Variants in ATMIN observed in about 807,000 individuals in gnomAD.
The protein encoded by ATMIN is ATM INteracting protein.
ATMIN carries 24 observed loss-of-function variants against 49.2 expected under a neutral mutation model. The ratio of observed to expected loss-of-function variants is 0.49; its 90% confidence interval spans 0.35 to 0.69. The LOEUF is 0.69. Ranked by LOEUF, ATMIN falls within the 30% of genes least tolerant of loss-of-function variation. The pLI is 0.00. For synonymous variants in ATMIN, 450 were observed against 392.5 expected (o/e 1.15, Z -1.73); for missense variants, 1,037 against 1,005.5 (o/e 1.03, Z -0.42).
At position 81,046,286 on chromosome 16, in the gene ATMIN, G is replaced by C. The variant is rs896127735; in HGVS notation, c.*1316G>C. 6 of 152,132 alleles carry C rather than the reference G, an allele frequency of 3.9e-5. No individual in the cohort carries two copies. The highest frequency in any genetic ancestry group is 1.4e-4 in the African/African-American group (6 of 41,410). 9.4% of individuals were successfully genotyped at this position (152,132 alleles called of 1,614,324 possible). A position where few individuals can be genotyped will look rare whatever the true frequency, so the allele number is the denominator to read the frequency against. On this transcript the variant is annotated 3_prime_UTR_variant, in exon 4 of 4. Coordinates refer to ENST00000299575, the MANE Select transcript of ATMIN (RefSeq NM_015251.3). Reference sequence around the variant, plus strand: ...TTTGCACTTCTACTAAGCTTGATAGGGCAGGAGTGCAATCTACAATTATTT... The same window carrying C: ...TTTGCACTTCTACTAAGCTTGATAGCGCAGGAGTGCAATCTACAATTATTT...
rs562381984 is a variant in ATMIN, at chr16:81,046,747, C to T, written c.*1777C>T. 2.6e-5 allele frequency: 4 copies of T among 152,210 alleles called. No individual in the cohort carries two copies. The highest frequency in any genetic ancestry group is 5.9e-5 in the Non-Finnish European group (4 of 68,002). 9.4% of individuals were successfully genotyped at this position (152,210 alleles called of 1,614,324 possible). On this transcript the variant is annotated 3_prime_UTR_variant, in exon 4 of 4. Transcript: ENST00000299575. ...ATTACTGAAAGCTAAATCCTCAAAA[C>T]CTAGTAAGGGGACTAATGATTCATT...
chr16:81,037,399 T>C (rs967325808), intron 1 of ATMIN: 2 of 985,290 alleles, frequency 2.0e-6, no homozygotes, highest in Non-Finnish European at 2.4e-6. Context: ...AGTGATCTGC[T>C]CTTACCACCA....
Position 81,045,238 on chromosome 16 carries a change from AATG to A in ATMIN, c.*269_*271del, listed in dbSNP as rs1971099127. 9.3e-6 allele frequency: 4 copies of A among 431,112 alleles called. No individual in the cohort carries two copies. Among genetic ancestry groups the A allele is most frequent in the Admixed American group, 4.0e-5 (1 of 24,696 alleles). The allele number at this position is 431,112 out of a possible 1,614,324, so 26.7% of individuals were successfully genotyped here. On this transcript the variant is annotated 3_prime_UTR_variant, in exon 4 of 4. Transcript: ENST00000299575. ...CTAGTCTTTTCATGTTAAAAAAAAA[AATG>A]TATTTCATATCTATAAAACCTATAT... is the stretch of plus-strand genomic sequence containing the variant.
intron 1 of ATMIN, chr16:81,037,497 A>C (rs1330705955): frequency 2.0e-5 from 20 of 985,354 alleles, no homozygotes; most frequent in Non-Finnish European, 2.3e-5. Flanking sequence ...AAGACCGTGC[A>C]GGTGGGGCCG....
At chr16:81,036,243 C>T (rs1172176775) in intron 1 of ATMIN, 37 bp downstream of exon 1, 1 of 1,291,518 alleles carries the variant, frequency 7.7e-7, no homozygotes, top group Non-Finnish European at 9.9e-7. Flanking sequence ...GGGGGCCGGG[C>T]CTGGCTCCAA....
Position 81,035,941 on chromosome 16 carries a change from C to A in ATMIN, c.71C>A (p.Ala24Glu). ...ALAAGARAVP[A>E]ATTGAAAAAS... is the part of the protein sequence containing the mutation. ...GCGGCGGGTGCCCGGGCCGTCCCGGCGGCCACGACAGGAGCCGCCGCCGCC... is the reference window on the plus strand; with the variant it reads ...GCGGCGGGTGCCCGGGCCGTCCCGGAGGCCACGACAGGAGCCGCCGCCGCC... The change falls in exon 1 of 4, where the codon GCG becomes GAG. Residue 24 changes from alanine (A) to glutamate (E), a missense_variant. Coordinates refer to ENST00000299575, the MANE Select transcript of ATMIN (RefSeq NM_015251.3). 1 of 1,004,026 alleles carries A rather than the reference C, an allele frequency of 1.0e-6. No individual in the cohort carries two copies. The allele number at this position is 1,004,026 out of a possible 1,614,324, so 62.2% of individuals were successfully genotyped here.
intron 2 of ATMIN, 120 bp downstream of exon 2, chr16:81,041,601 G>C: frequency 1.3e-5 from 17 of 1,292,534 alleles, no homozygotes; most frequent in South Asian, 1.5e-5. Context: ...ATGCCTGCGT[G>C]TCTCCCAGTT....
chr16:81,038,800 T>TTTTG (rs902875730), intron 1 of ATMIN, among the ~76,000 whole-genome samples: 1 of 151,974 alleles, frequency 6.6e-6, no homozygotes, highest in Admixed American at 6.5e-5. Flanking sequence ...ACATTGTTCT[T>TTTTG]TTTGTTTGTT....
chr16:81,043,019 G>C (rs932456003), intron 3 of ATMIN, 142 bp from the exon 4 acceptor site: 2 of 1,039,370 alleles, frequency 1.9e-6, no homozygotes, highest in East Asian at 2.7e-5. Context: ...CCAGAGTTGC[G>C]AAAGAATGGA....
At position 81,036,043 on chromosome 16, in the gene ATMIN, C is replaced by G; in HGVS notation, c.173C>G (p.Pro58Arg). 1.4e-5 allele frequency: 17 copies of G among 1,223,270 alleles called. No individual in the cohort carries two copies. Among genetic ancestry groups the G allele is most frequent in the Non-Finnish European group, 1.7e-5 (17 of 975,784 alleles). 75.8% of individuals were successfully genotyped at this position (1,223,270 alleles called of 1,614,324 possible). ...RPRPAGATQQ[P>R]AVPAPPAGEL... is the part of the protein sequence containing the mutation. ...CGGCCCGCGGGGGCGACGCAGCAGCCCGCTGTCCCCGCGCCGCCGGCGGGG... is the reference window on the plus strand; with the variant it reads ...CGGCCCGCGGGGGCGACGCAGCAGCGCGCTGTCCCCGCGCCGCCGGCGGGG... The change falls in exon 1 of 4, where the codon CCC becomes CGC. Residue 58 changes from proline (P) to arginine (R), a missense_variant. Pro to Arg is a moderately radical substitution (Grantham distance 103). Coordinates refer to ENST00000299575, the MANE Select transcript of ATMIN (RefSeq NM_015251.3).
Position 81,042,373 on chromosome 16 carries a change from G to T in ATMIN, c.555G>T (p.Glu185Asp). Residue 185 changes from glutamate to aspartate, a missense_variant, in exon 3 of 4, where the codon GAG becomes GAT. Coordinates refer to ENST00000299575, the MANE Select transcript of ATMIN (RefSeq NM_015251.3). Reference sequence around the variant, plus strand: ...AATGGGACCTGAAAAGACATGCAGAGGACTGTGGCAAGACCTTCCGGTGCA... The same window carrying T: ...AATGGGACCTGAAAAGACATGCAGATGACTGTGGCAAGACCTTCCGGTGCA... ...GTEWDLKRHA[E>D]DCGKTFRCTC... 1 of 1,614,134 alleles carries T rather than the reference G, an allele frequency of 6.2e-7. No homozygotes were observed. The highest frequency in any genetic ancestry group is 2.2e-5 in the East Asian group (1 of 44,878).
Position 81,042,487 on chromosome 16 carries a change from G to A in ATMIN, c.662+7G>A, listed in dbSNP as rs373325287. 3.1e-6 allele frequency: 5 copies of A among 1,612,844 alleles called. No homozygotes were observed. The highest frequency in any genetic ancestry group is 3.4e-6 in the Non-Finnish European group (4 of 1,179,200). On this transcript the variant is annotated splice_region_variant and intron_variant, in intron 3 of 3. Transcript: ENST00000299575. ...AGATACCTGCAGAACACAGGTGAAG[G>A]GAAAGAAATGATGGCACAGAAGTCA...
Position 81,043,356 on chromosome 16 carries a change from A to T in ATMIN, c.858A>T (p.Thr286=). 3.7e-6 allele frequency: 6 copies of T among 1,612,696 alleles called. No individual in the cohort carries two copies. The highest frequency in any genetic ancestry group is 5.1e-6 in the Non-Finnish European group (6 of 1,179,542). The change falls in exon 4 of 4, where the codon ACA becomes ACT. Residue 286 remains threonine (T), a synonymous_variant. Coordinates refer to ENST00000299575, the MANE Select transcript of ATMIN (RefSeq NM_015251.3). The part of the protein sequence containing the change: ...GSNTDKQTLT[T]PPRYPQKLLL... ...ACACTGACAAGCAGACTCTTACAACACCACCGAGATATCCTCAGAAGTTGC... is the reference window on the plus strand; with the variant it reads ...ACACTGACAAGCAGACTCTTACAACTCCACCGAGATATCCTCAGAAGTTGC...
At chr16:81,042,157 T>C (rs1971047125) in intron 2 of ATMIN, 124 bp from the exon 3 acceptor site, 4 of 795,978 alleles carry the variant, frequency 5.0e-6, no homozygotes, top group Non-Finnish European at 8.2e-6. Flanking sequence ...TGACTTGGAC[T>C]GCTGTATTTT....
At position 81,044,460 on chromosome 16, in the gene ATMIN, T is replaced by C. The variant is rs960225011; in HGVS notation, c.1962T>C (p.Ser654=). ...ATATCCAGACTCAAACTGAAGAGAG[T>C]GAACTTAGCACCATGACCACCGAGC... ...ASNIQTQTEE[S]ELSTMTTEPV... is the part of the protein sequence containing the mutation. The change falls in exon 4 of 4, where the codon AGT becomes AGC. Residue 654 remains serine (S), a synonymous_variant. Transcript: ENST00000299575. The C allele has an allele frequency of 5.0e-6, 8 of 1,613,456 alleles. No individual in the cohort carries two copies. Among genetic ancestry groups the C allele is most frequent in the Admixed American group, 1.7e-5 (1 of 59,954 alleles).
At chr16:81,037,397 G>A in intron 1 of ATMIN, 2 of 985,408 alleles carry the variant, frequency 2.0e-6, no homozygotes, top group Non-Finnish European at 2.4e-6. Context: ...AGAGTGATCT[G>A]CTCTTACCAC....
In ATMIN at chr16:81,043,592, G is replaced by A; in HGVS notation, c.1094G>A (p.Ser365Asn). The change falls in exon 4 of 4, where the codon AGC becomes AAC. Residue 365 changes from serine to asparagine, a missense_variant. By Grantham distance (46) the Ser-to-Asn change is conservative. Transcript: ENST00000299575. The stretch of plus-strand genomic sequence containing the variant: ...TCAGAGGCTTGCTCTCTTAAGGAGA[G>A]CCTACCTCTTTTCAAAATTGCTAAT... ...LDSEACSLKE[S>N]LPLFKIANPI... 2 of 1,614,174 alleles carry A rather than the reference G, an allele frequency of 1.2e-6. No homozygotes were observed. The highest frequency in any genetic ancestry group is 8.5e-7 in the Non-Finnish European group (1 of 1,180,040).
chr16:81,039,758 A>G (rs1440210291), intron 1 of ATMIN, among the ~76,000 whole-genome samples: 1 of 152,254 alleles, frequency 6.6e-6, no homozygotes, highest in Non-Finnish European at 1.5e-5. Context: ...CAACATTTAT[A>G]TTGTAAAACA....
chr16:81,036,112 G>A lies in ATMIN; in HGVS notation c.242G>A (p.Arg81Gln). 1 of 1,430,398 alleles carries A rather than the reference G, an allele frequency of 7.0e-7. No individual in the cohort carries two copies. Among genetic ancestry groups the A allele is most frequent in the Non-Finnish European group, 9.2e-7 (1 of 1,081,542 alleles). 88.6% of individuals were successfully genotyped at this position (1,430,398 alleles called of 1,614,324 possible). A position where few individuals can be genotyped will look rare whatever the true frequency, so the allele number is the denominator to read the frequency against. The change falls in exon 1 of 4, where the codon CGG becomes CAG. Residue 81 changes from arginine (R) to glutamine (Q), a missense_variant. Arg to Gln is a conservative substitution (Grantham distance 43). Coordinates refer to ENST00000299575, the MANE Select transcript of ATMIN (RefSeq NM_015251.3). ...PSVSELSRAVRTNILCTVRGC... is the reference protein window; with the variant it reads ...PSVSELSRAVQTNILCTVRGC... Reference sequence around the variant, plus strand: ...GTGAGCGAGCTGTCCCGGGCCGTGCGGACCAACATCCTGTGCACCGTGCGC... The same window carrying A: ...GTGAGCGAGCTGTCCCGGGCCGTGCAGACCAACATCCTGTGCACCGTGCGC...
Sources: gnomAD v4.1 joint callset for allele counts (sites outside exome capture counted in the v4.1 genomes callset) on GRCh38, gnomAD v4.1.1 for gene constraint, MANE v1.5 for transcripts, NCBI Gene and HGNC (gene_info 2026-07-23, HGNC 2026-07-21) for gene names.